USP6NL: variants seen among roughly 807,000 people sequenced by gnomAD.
USP6NL encodes the protein USP6 N-terminal like.
A neutral mutation model predicts 61.9 loss-of-function variants in USP6NL; 26 were observed. That is an observed-to-expected ratio of 0.42 (90% confidence interval 0.31 to 0.58). USP6NL has a LOEUF of 0.58. Ranked by LOEUF, USP6NL falls within the 20% of genes least tolerant of loss-of-function variation. The pLI, the probability that USP6NL is intolerant of heterozygous loss-of-function variation, is 0.16. For missense variants in USP6NL, 1,114 were observed against 1,034.3 expected (o/e 1.08, Z -1.06); for synonymous variants, 432 against 390.1 (o/e 1.11, Z -1.27).
chr10:11,597,942 T>C lies in USP6NL; in HGVS notation c.-83-225A>G, dbSNP rs1055528467. Among the ~76,000 whole-genome samples, 7 of 152,244 alleles carry C rather than the reference T, an allele frequency of 4.6e-5. No individual in the cohort carries two copies. The highest frequency in any genetic ancestry group is 1.0e-4 in the Non-Finnish European group (7 of 68,042). ...TAAGTTACTTCAAATTTAAGTGATA[T>C]GTAGTAAGTAATCACCACATAGAAA... On this transcript the variant is annotated intron_variant, in intron 1 of 14. Transcript: ENST00000609104. This position sits in a 1 kb window ranked among gnomAD's most constrained non-coding sequence, Gnocchi z 4.6.
intron 2 of USP6NL, among the ~76,000 whole-genome samples, chr10:11,593,569 C>T (rs186927997): frequency 1.4e-3 from 215 of 152,216 alleles, no homozygotes; most frequent in Non-Finnish European, 2.1e-3. Context: ...AATTTATGTA[C>T]TAAAAATCAA....
chr10:11,516,004 A>G (rs1406165178), intron 5 of USP6NL, among the ~76,000 whole-genome samples: 1 of 152,212 alleles, frequency 6.6e-6, no homozygotes, highest in Non-Finnish European at 1.5e-5. Context: ...GAATCTATGA[A>G]AATTCATAGT....
rs142649349 is a variant in USP6NL at position 11,528,128 on chromosome 10, G to GACAC, written c.5-565_5-562dup. ...ACATATGTGTGTGGACACACACACA[G>GACAC]ACACACACACACACACACACACACA... On this transcript the variant is annotated intron_variant, in intron 2 of 14. Transcript: ENST00000609104. The surrounding 1 kb of genome is among the most constrained non-coding windows in gnomAD (Gnocchi z 4.6). Among the ~76,000 whole-genome samples, 9,957 of 142,196 alleles carry GACAC rather than the reference G, an allele frequency of 0.07. 378 individuals are homozygous for GACAC. The highest frequency in any genetic ancestry group is 0.15 in the East Asian group (726 of 4,848). The allele number at this position is 142,196 out of a possible 152,430, so 93.3% of individuals were successfully genotyped here. A position where few individuals can be genotyped will look rare whatever the true frequency, so the allele number is the denominator to read the frequency against.
chr10:11,576,282 G>A (rs1244302564), intron 2 of USP6NL, among the ~76,000 whole-genome samples: 1 of 152,134 alleles, frequency 6.6e-6, no homozygotes, highest in Non-Finnish European at 1.5e-5. Context: ...ACCCAGAAGA[G>A]GCATGGTGGA....
rs1566182814 is a variant in USP6NL at position 11,562,468 on chromosome 10, G to A, written c.5-34901C>T. 1.0e-6 allele frequency: 1 copy of A among 985,262 alleles called. No homozygotes were observed. Among genetic ancestry groups the A allele is most frequent in the Non-Finnish European group, 1.2e-6 (1 of 829,940 alleles). 61.0% of individuals were successfully genotyped at this position (985,262 alleles called of 1,614,324 possible). ...GCAGCAGTCATCACGTATCTCTGAG[G>A]ACAAGGATTAAGTGTGGCTGAGGAG... On this transcript the variant is annotated intron_variant, in intron 2 of 14. Transcript: ENST00000609104. The surrounding 1 kb of genome is among the most constrained non-coding windows in gnomAD (Gnocchi z 4.8).
At position 11,485,088 on chromosome 10, in the gene USP6NL, A is replaced by G; in HGVS notation, c.826-18T>C. 1 of 1,537,262 alleles carries G rather than the reference A, an allele frequency of 6.5e-7. No individual in the cohort carries two copies. Among genetic ancestry groups the G allele is most frequent in the Non-Finnish European group, 8.7e-7 (1 of 1,143,184 alleles). Reference sequence around the variant, plus strand: ...AAGGGAGTCTACAATTAAAAGCAAAACAAAACAAAAATAGGGTTAACAGCT... The same window carrying G: ...AAGGGAGTCTACAATTAAAAGCAAAGCAAAACAAAAATAGGGTTAACAGCT... On this transcript the variant is annotated intron_variant, in intron 12 of 14. Coordinates refer to ENST00000609104, the MANE Select transcript of USP6NL (RefSeq NM_014688.5). The surrounding 1 kb of genome is among the most constrained non-coding windows in gnomAD (Gnocchi z 4.8).
rs1313758108 is a variant in USP6NL, at chr10:11,598,587, A to G, written c.-83-870T>C. On this transcript the variant is annotated intron_variant, in intron 1 of 14. Transcript: ENST00000609104. This position sits in a 1 kb window ranked among gnomAD's most constrained non-coding sequence, Gnocchi z 4.7. Reference sequence around the variant, plus strand: ...AAATCTATCATATAAAATTCCACAGATAAGATCAGACTCAACACAAAATGT... The same window carrying G: ...AAATCTATCATATAAAATTCCACAGGTAAGATCAGACTCAACACAAAATGT... Among the ~76,000 whole-genome samples, 2 of 152,220 alleles carry G rather than the reference A, an allele frequency of 1.3e-5. No individual in the cohort carries two copies. Among genetic ancestry groups the G allele is most frequent in the African/African-American group, 4.8e-5 (2 of 41,454 alleles).
chr10:11,543,803 GTTTTTTTTTT>G (rs781443038), intron 2 of USP6NL, among the ~76,000 whole-genome samples: 1 of 76,362 alleles, frequency 1.3e-5, no homozygotes, highest in Non-Finnish European at 2.5e-5. Flanking sequence ...AAATATTTAG[GTTTTTTTTTT>G]TTTTTTTTTT....
At chr10:11,578,043 T>C (rs920866870) in intron 2 of USP6NL, among the ~76,000 whole-genome samples, 1 of 152,200 alleles carries the variant, frequency 6.6e-6, no homozygotes, top group East Asian at 1.9e-4. Flanking sequence ...CACTGCAACC[T>C]CTGCCTCCCA....
At chr10:11,564,038 A>G (rs1837034219) in intron 2 of USP6NL, 1 of 152,226 alleles carries the variant, frequency 6.6e-6, no homozygotes. Context: ...AAAGCACAGC[A>G]TGTATATTTT....
chr10:11,492,549 C>T (rs1245134402), intron 8 of USP6NL, among the ~76,000 whole-genome samples: 4 of 152,212 alleles, frequency 2.6e-5, no homozygotes, highest in African/African-American at 9.7e-5. Context: ...CATGGCCTGC[C>T]CTGTGGATTT....
At chr10:11,590,306 A>G (rs1284535182) in intron 2 of USP6NL, among the ~76,000 whole-genome samples, 1 of 152,222 alleles carries the variant, frequency 6.6e-6, no homozygotes, top group Non-Finnish European at 1.5e-5. Flanking sequence ...AAAATTTCTA[A>G]TATCAATTTC....
chr10:11,485,447 C>T lies in USP6NL; in HGVS notation c.760-213G>A, dbSNP rs1833420411. On this transcript the variant is annotated intron_variant, in intron 11 of 14. Transcript: ENST00000609104. This position sits in a 1 kb window ranked among gnomAD's most constrained non-coding sequence, Gnocchi z 4.8. Reference sequence around the variant, plus strand: ...AGTGAGCTTTCTTTGTTTTACTAAACTACTGTGTTTTATAGTAAGGCATAT... The same window carrying T: ...AGTGAGCTTTCTTTGTTTTACTAAATTACTGTGTTTTATAGTAAGGCATAT... 6.6e-6 allele frequency among the ~76,000 whole-genome samples: 1 copy of T among 152,148 alleles called. No individual in the cohort carries two copies. The highest frequency in any genetic ancestry group is 2.4e-5 in the African/African-American group (1 of 41,436).
At chr10:11,527,474 C>G (rs1380669022) in intron 3 of USP6NL, 26 bp downstream of exon 3, 1 of 1,576,262 alleles carries the variant, frequency 6.3e-7, no homozygotes, top group Non-Finnish European at 8.6e-7. Context: ...TAAAACTCAC[C>G]CAAAGTGTTA....
At chr10:11,484,825 T>C (rs1462422173) in intron 13 of USP6NL, 146 bp downstream of exon 13, 3 of 580,402 alleles carry the variant, frequency 5.2e-6, no homozygotes, top group Admixed American at 3.7e-5. Flanking sequence ...ACATTACCAA[T>C]TGATGATAAT....
At chr10:11,583,566 A>G (rs1256118916) in intron 2 of USP6NL, among the ~76,000 whole-genome samples, 1 of 152,172 alleles carries the variant, frequency 6.6e-6, no homozygotes, top group Non-Finnish European at 1.5e-5. Context: ...GCAAAGCCAC[A>G]TGCAAATGGA....
At chr10:11,577,815 C>A (rs1358849191) in intron 2 of USP6NL, among the ~76,000 whole-genome samples, 2 of 152,092 alleles carry the variant, frequency 1.3e-5, no homozygotes, top group African/African-American at 4.8e-5. Context: ...AGATTACAGG[C>A]GTGAGCCACT....
rs1832900672 is a variant in USP6NL, at chr10:11,474,860, G to C, written c.1078+6910C>G. ...TATGTGACTCAAAAGCGGCCGGGGA[G>C]GTGGGATGTGAAGTGTGGAAGCTGC... On this transcript the variant is annotated intron_variant, in intron 14 of 14. Coordinates refer to ENST00000609104, the MANE Select transcript of USP6NL (RefSeq NM_014688.5). The surrounding 1 kb of genome is among the most constrained non-coding windows in gnomAD (Gnocchi z 4.9). Among the ~76,000 whole-genome samples the C allele has an allele frequency of 6.6e-6, 1 of 152,116 alleles. No homozygotes were observed. Among genetic ancestry groups the C allele is most frequent in the Admixed American group, 6.5e-5 (1 of 15,274 alleles).
rs1837936579 is a variant in USP6NL at position 11,585,638 on chromosome 10, G to A, written c.4+11993C>T. The stretch of plus-strand genomic sequence containing the variant: ...GATCAAGGACACTGCACTCCAGCCT[G>A]GGAAACAGAGTGAGACTCCATCTCA... On this transcript the variant is annotated intron_variant, in intron 2 of 14. Coordinates refer to ENST00000609104, the MANE Select transcript of USP6NL (RefSeq NM_014688.5). The surrounding 1 kb of genome is among the most constrained non-coding windows in gnomAD (Gnocchi z 4.5). 6.6e-6 allele frequency among the ~76,000 whole-genome samples: 1 copy of A among 151,956 alleles called. No homozygotes were observed. The highest frequency in any genetic ancestry group is 1.5e-5 in the Non-Finnish European group (1 of 68,012).
Sources: gnomAD v4.1 joint callset for allele counts (sites outside exome capture counted in the v4.1 genomes callset) on GRCh38, gnomAD v4.1.1 for gene constraint, Gnocchi (gnomAD v3.1) non-coding constraint, MANE v1.5 for transcripts, NCBI Gene and HGNC (gene_info 2026-07-23, HGNC 2026-07-21) for gene names.